The following CADPS variants were observed in gnomAD, a reference collection of about 807,000 sequenced individuals.
The protein encoded by CADPS is calcium-dependent secretion activator 1.
CADPS carries 57 observed loss-of-function variants against 167.3 expected under a neutral mutation model. The ratio of observed to expected loss-of-function variants is 0.34; its 90% CI spans 0.28 to 0.42. The LOEUF (loss-of-function observed/expected upper bound fraction) is 0.42. CADPS is among the 20% of genes least tolerant of loss of function. The pLI, the probability that CADPS is intolerant of heterozygous loss-of-function variation, is 1.00. For synonymous variants in CADPS, 676 were observed against 635.3 expected (o/e 1.06, Z -0.96); for missense variants, 1,414 against 1,738.1 (o/e 0.81, Z 3.32).
chr3:62,703,778 T>C (rs1440350237), intron 3 of CADPS, among the ~76,000 whole-genome samples: 1 of 152,164 alleles, frequency 6.6e-6, no homozygotes, highest in African/African-American at 2.4e-5. Flanking sequence ...CCTGGTTGTA[T>C]TTTCCTTTAG....
intron 3 of CADPS, among the ~76,000 whole-genome samples, chr3:62,737,867 A>G (rs2079326190): frequency 6.6e-6 from 1 of 152,162 alleles, no homozygotes; most frequent in African/African-American, 2.4e-5. Context: ...CTCTGTCTAC[A>G]TAATCTCAAA....
chr3:62,818,730 G>A (rs935344827), intron 1 of CADPS, among the ~76,000 whole-genome samples: 1 of 152,184 alleles, frequency 6.6e-6, no homozygotes, highest in Non-Finnish European at 1.5e-5. Flanking sequence ...ATATGAGAAT[G>A]AGCATAGCAA....
chr3:62,632,225 G>A (rs953933084), intron 6 of CADPS, among the ~76,000 whole-genome samples: 10 of 152,090 alleles, frequency 6.6e-5, no homozygotes, highest in African/African-American at 1.7e-4. Flanking sequence ...GGAAAACAAC[G>A]CCAAAACATA....
chr3:62,562,160 G>A (rs769834918), intron 9 of CADPS, among the ~76,000 whole-genome samples: 53 of 152,302 alleles, frequency 3.5e-4, no homozygotes, highest in Non-Finnish European at 6.2e-4. Flanking sequence ...TCCTGAGGAA[G>A]CATTGACGGA....
chr3:62,669,909 T>C (rs1405889168), intron 3 of CADPS, among the ~76,000 whole-genome samples: 1 of 152,188 alleles, frequency 6.6e-6, no homozygotes, highest in African/African-American at 2.4e-5. Context: ...GCACTTAAAG[T>C]AGTATAGCAG....
chr3:62,874,127 G>T lies in CADPS; in HGVS notation c.441+462C>A. On this transcript the variant is annotated intron_variant, in intron 1 of 29. Transcript: ENST00000383710. This position sits in a 1 kb window ranked among gnomAD's most constrained non-coding sequence, Gnocchi z 7.1. ...GACGCTCTTCTCCCTCCACCTCGGC[G>T]CCCCCACCTGCCGTTGCCCCCGCCC... 6.6e-6 allele frequency among the ~76,000 whole-genome samples: 1 copy of T among 152,126 alleles called. No homozygotes were observed. The highest frequency in any genetic ancestry group is 1.9e-4 in the East Asian group (1 of 5,156).
rs548934858 is a variant in CADPS, at chr3:62,491,090, T to C, written c.3026+249A>G. Among the ~76,000 whole-genome samples the C allele has an allele frequency of 3.9e-5, 6 of 152,314 alleles. No individual in the cohort carries two copies. In the South Asian group the frequency reaches 1.2e-3, roughly 32 times the overall value. ...TATATTCCTTCTTCCTTATTTATCT[T>C]GTGCAATAAGAGATTTCATTTCATG... On this transcript the variant is annotated intron_variant, in intron 21 of 29. Coordinates refer to ENST00000383710, the MANE Select transcript of CADPS (RefSeq NM_003716.4).
chr3:62,758,124 C>T (rs923787994), intron 2 of CADPS, among the ~76,000 whole-genome samples: 1 of 152,192 alleles, frequency 6.6e-6, no homozygotes, highest in Middle Eastern at 3.2e-3. Context: ...TACATAGTAG[C>T]TACTCAATAA....
intron 26 of CADPS, among the ~76,000 whole-genome samples, chr3:62,447,091 G>T (rs2057338603): frequency 6.6e-6 from 1 of 152,128 alleles, no homozygotes; most frequent in South Asian, 2.1e-4. Context: ...CAATAGGGTG[G>T]GGTGGAAAGA....
Position 62,399,636 on chromosome 3 carries a change from G to C in CADPS, c.3883-51C>G. 6.7e-7 allele frequency: 1 copy of C among 1,499,890 alleles called. No homozygotes were observed. The highest frequency in any genetic ancestry group is 9.2e-7 in the Non-Finnish European group (1 of 1,082,116). 92.9% of individuals were successfully genotyped at this position (1,499,890 alleles called of 1,614,324 possible). A position where few individuals can be genotyped will look rare whatever the true frequency, so the allele number is the denominator to read the frequency against. ...AAGAGAGATCTCATCTCCATGATGG[G>C]GAGGGAGAAGGTAAAAGCAGGTGTG... On this transcript the variant is annotated intron_variant, in intron 29 of 29. Transcript: ENST00000383710. This position sits in a 1 kb window ranked among gnomAD's most constrained non-coding sequence, Gnocchi z 5.6.
At chr3:62,460,331 A>C (rs909549027) in intron 26 of CADPS, among the ~76,000 whole-genome samples, 1 of 152,210 alleles carries the variant, frequency 6.6e-6, no homozygotes, top group Non-Finnish European at 1.5e-5. Context: ...TGAAATATAG[A>C]AGCCAATTGA....
intron 17 of CADPS, among the ~76,000 whole-genome samples, chr3:62,509,755 T>C (rs895038487): frequency 6.6e-6 from 1 of 152,182 alleles, no homozygotes; most frequent in African/African-American, 2.4e-5. Flanking sequence ...GCTCTGTTAA[T>C]TTGTAGTCTT....
intron 3 of CADPS, among the ~76,000 whole-genome samples, chr3:62,724,071 C>A (rs1283688388): frequency 1.3e-5 from 2 of 152,204 alleles, no homozygotes; most frequent in Non-Finnish European, 2.9e-5. Flanking sequence ...AAGCACTTAA[C>A]CTTGATGTAT....
chr3:62,587,448 G>A (rs1192512438), intron 7 of CADPS, among the ~76,000 whole-genome samples: 5 of 152,160 alleles, frequency 3.3e-5, no homozygotes, highest in Non-Finnish European at 5.9e-5. Context: ...GCTGATTTCA[G>A]TGAAGCTGAC....
intron 1 of CADPS, among the ~76,000 whole-genome samples, chr3:62,867,324 C>A (rs921566549): frequency 7.2e-5 from 11 of 151,954 alleles, no homozygotes; most frequent in Non-Finnish European, 1.6e-4. Context: ...AATTGAGTGA[C>A]CCAAGACCCC....
intron 6 of CADPS, among the ~76,000 whole-genome samples, chr3:62,638,189 G>A (rs1359804814): frequency 6.6e-6 from 1 of 151,646 alleles, no homozygotes; most frequent in African/African-American, 2.4e-5. Context: ...AAATAGGAAC[G>A]CAGTGCTCTG....
At chr3:62,589,127 C>G (rs2085344779) in intron 7 of CADPS, among the ~76,000 whole-genome samples, 1 of 151,966 alleles carries the variant, frequency 6.6e-6, no homozygotes, top group Non-Finnish European at 1.5e-5. Context: ...AAGAAACAAA[C>G]CAAAAAGTGG....
At chr3:62,783,000 T>A (rs925116887) in intron 1 of CADPS, among the ~76,000 whole-genome samples, 1 of 152,188 alleles carries the variant, frequency 6.6e-6, no homozygotes, top group Admixed American at 6.5e-5. Flanking sequence ...CCTCAGGTTA[T>A]CCACCTGCCT....
chr3:62,696,404 C>T (rs546749499), intron 3 of CADPS, among the ~76,000 whole-genome samples: 6 of 152,192 alleles, frequency 3.9e-5, no homozygotes, highest in African/African-American at 1.2e-4. Flanking sequence ...TGCAGATACA[C>T]CCTCTTTGCA....
Sources: allele counts gnomAD v4.1 joint callset (sites outside exome capture counted in the v4.1 genomes callset), GRCh38; gene constraint gnomAD v4.1.1; non-coding constraint Gnocchi (gnomAD v3.1); transcripts MANE v1.5; gene names NCBI Gene and HGNC (gene_info 2026-07-23, HGNC 2026-07-21).